CGGBP1: variants seen among roughly 807,000 people sequenced by gnomAD.
CGGBP1 encodes the protein CGG triplet repeat-binding protein 1.
In CGGBP1, 4 loss-of-function variants were observed where a neutral mutation model predicts 11.4. That is an observed-to-expected ratio of 0.35 (90% CI 0.17 to 0.80). The LOEUF (loss-of-function observed/expected upper bound fraction) is 0.80, where lower values mean the gene tolerates loss of function less well. Ranked by LOEUF, CGGBP1 falls within the 30% of genes least tolerant of loss-of-function variation. CGGBP1 has a pLI of 0.52. For synonymous variants in CGGBP1, 76 were observed against 74.1 expected, an observed-to-expected ratio of 1.03 and a Z score of -0.13; for missense variants, 135 against 202.1, an observed-to-expected ratio of 0.67 and a Z score of 2.01.
upstream of CGGBP1, among the ~76,000 whole-genome samples, chr3:88,062,854 G>C (rs1219322669): frequency 6.6e-6 from 1 of 152,144 alleles, no homozygotes; most frequent in Non-Finnish European, 1.5e-5. Flanking sequence ...ACTTAAATAG[G>C]TAGATGCTAT....
intron 2 of CGGBP1, among the ~76,000 whole-genome samples, chr3:88,137,194 CAAAAA>C (rs11401199): frequency 5.7e-5 from 4 of 70,754 alleles, no homozygotes; most frequent in South Asian, 7.3e-4. Flanking sequence ...GACTCTGTCT[CAAAAA>C]AAAAAAAAAA....
chr3:88,106,289 G>A (rs1048487489), intron 2 of CGGBP1, among the ~76,000 whole-genome samples: 1 of 152,078 alleles, frequency 6.6e-6, no homozygotes, highest in African/African-American at 2.4e-5. Flanking sequence ...TTATAGGGAT[G>A]TTAAGCCCTT....
At chr3:88,091,616 C>T (rs1340365365) in intron 2 of CGGBP1, among the ~76,000 whole-genome samples, 1 of 152,148 alleles carries the variant, frequency 6.6e-6, no homozygotes, top group Non-Finnish European at 1.5e-5. Flanking sequence ...ACCCAAATCT[C>T]ATCTTGAATT....
chr3:88,067,816 A>G (rs913477800), intron 2 of CGGBP1, among the ~76,000 whole-genome samples: 3 of 152,126 alleles, frequency 2.0e-5, no homozygotes, highest in African/African-American at 7.2e-5. Context: ...CAAATAACCT[A>G]TAAAGGAGAA....
intron 2 of CGGBP1, among the ~76,000 whole-genome samples, chr3:88,103,003 A>G (rs1184605912): frequency 6.6e-6 from 1 of 151,972 alleles, no homozygotes; most frequent in Non-Finnish European, 1.5e-5. Flanking sequence ...AGTAGTCTCC[A>G]GTGTCTGTTG....
At chr3:88,078,449 G>C (rs58927407) in intron 2 of CGGBP1, among the ~76,000 whole-genome samples, 3 of 152,192 alleles carry the variant, frequency 2.0e-5, no homozygotes, top group Non-Finnish European at 2.9e-5. Flanking sequence ...ACTGGGGTAG[G>C]GGGTGGGACA....
intron 2 of CGGBP1, among the ~76,000 whole-genome samples, chr3:88,102,817 CTTTTTTT>C (rs10701359): frequency 4.7e-5 from 5 of 106,548 alleles, no homozygotes; most frequent in Admixed American, 2.3e-4. Flanking sequence ...CCTCTACTGT[CTTTTTTT>C]TTTTTTTTTT....
chr3:88,107,951 G>A (rs1704844875), intron 2 of CGGBP1, among the ~76,000 whole-genome samples: 1 of 151,692 alleles, frequency 6.6e-6, no homozygotes, highest in Admixed American at 6.6e-5. Context: ...ATAGTGCTGT[G>A]TTTCCTTGTA....
intron 2 of CGGBP1, among the ~76,000 whole-genome samples, chr3:88,111,830 A>T (rs1027041582): frequency 6.6e-6 from 1 of 151,978 alleles, no homozygotes; most frequent in African/African-American, 2.4e-5. Context: ...CCATCATAGA[A>T]TACATCATCT....
At chr3:88,133,977 A>T (rs1444794990) in intron 2 of CGGBP1, among the ~76,000 whole-genome samples, 1 of 152,040 alleles carries the variant, frequency 6.6e-6, no homozygotes, top group Non-Finnish European at 1.5e-5. Context: ...ATTAGTTCTG[A>T]GTGGGTTCAG....
intron 2 of CGGBP1, chr3:88,135,058 C>T: frequency 1.4e-6 from 2 of 1,389,200 alleles, no homozygotes; most frequent in Non-Finnish European, 9.3e-7. Context: ...TTCTCATTTA[C>T]AGGGAGTTGA....
In CGGBP1 at chr3:88,071,201, T is replaced by C. The variant is rs140579853; in HGVS notation, c.-228-12978A>G. Among the ~76,000 whole-genome samples the C allele has an allele frequency of 2.7e-3, 408 of 152,348 alleles. 12 individuals are homozygous for C. The East Asian group carries it at 0.042, about 15-fold the overall frequency. On this transcript the variant is annotated intron_variant, in intron 2 of 3. Transcript: ENST00000462901. ...TTATTTAAAAAGTAAGAAATTATTA[T>C]CTCGTTTCTTAAAAACTTCTGTATT...
intron 2 of CGGBP1, among the ~76,000 whole-genome samples, chr3:88,115,371 C>A (rs1267276973): frequency 6.6e-6 from 1 of 152,160 alleles, no homozygotes; most frequent in Non-Finnish European, 1.5e-5. Context: ...GTACCAGTTT[C>A]TTTATTTGTA....
chr3:88,112,140 G>A (rs550579789), intron 2 of CGGBP1, among the ~76,000 whole-genome samples: 2 of 151,840 alleles, frequency 1.3e-5, no homozygotes, highest in African/African-American at 4.8e-5. Flanking sequence ...TTATAAAAAC[G>A]TCAGGTTATG....
intron 1 of CGGBP1, chr3:88,141,772 C>T: frequency 8.4e-6 from 6 of 713,634 alleles, no homozygotes; most frequent in Non-Finnish European, 1.3e-5. Flanking sequence ...TCTTGGATTA[C>T]TAAAGATAAA....
chr3:88,138,674 G>A (rs1274293898), intron 2 of CGGBP1: 1 of 1,205,584 alleles, frequency 8.3e-7, no homozygotes. Context: ...TGGAAAAAAA[G>A]TATTTAGCAC....
At chr3:88,108,176 G>A (rs908856638) in intron 2 of CGGBP1, among the ~76,000 whole-genome samples, 1 of 151,328 alleles carries the variant, frequency 6.6e-6, no homozygotes, top group African/African-American at 2.4e-5. Flanking sequence ...TTCAGGTCAC[G>A]ACCTACATGA....
chr3:88,112,243 T>G (rs768290732), intron 2 of CGGBP1, among the ~76,000 whole-genome samples: 5 of 150,988 alleles, frequency 3.3e-5, no homozygotes, highest in Non-Finnish European at 7.4e-5. Context: ...TTACATTTTA[T>G]AATTTTAGTC....
intron 2 of CGGBP1, among the ~76,000 whole-genome samples, chr3:88,100,018 A>G (rs568132324): frequency 3.3e-5 from 5 of 152,362 alleles, no homozygotes; most frequent in Non-Finnish European, 7.3e-5. Context: ...AAAAGAAACT[A>G]CCATCACAGT....
Sources: allele counts gnomAD v4.1 joint callset (sites outside exome capture counted in the v4.1 genomes callset), GRCh38; gene constraint gnomAD v4.1.1; transcripts MANE v1.5; gene names NCBI Gene and HGNC (gene_info 2026-07-23, HGNC 2026-07-21).